THSD7B: variants seen among roughly 807,000 people sequenced by gnomAD.
The protein encoded by THSD7B is thrombospondin type-1 domain-containing protein 7B.
THSD7B carries 138 observed loss-of-function variants against 213.6 expected under a neutral mutation model. That is an observed-to-expected ratio of 0.65 (90% CI 0.56 to 0.74). The LOEUF is 0.74. Ranked by LOEUF, THSD7B falls within the 30% of genes least tolerant of loss-of-function variation. THSD7B has a pLI of 0.00. For synonymous variants in THSD7B, 742 were observed against 687.0 expected (o/e 1.08, Z -1.25); for missense variants, 1,931 against 1,991.5 (o/e 0.97, Z 0.58).
chr2:137,360,194 A>G (rs1034772833), intron 12 of THSD7B, among the ~76,000 whole-genome samples: 1 of 152,214 alleles, frequency 6.6e-6, no homozygotes, highest in Non-Finnish European at 1.5e-5. Context: ...AACTCAAGTT[A>G]TTAGCCAGAC....
chr2:137,304,605 G>T (rs1683700021), intron 12 of THSD7B, among the ~76,000 whole-genome samples: 1 of 152,006 alleles, frequency 6.6e-6, no homozygotes, highest in African/African-American at 2.4e-5. Context: ...CATATTATCA[G>T]TAGGCCCCCT....
chr2:137,099,706 G>A (rs1688113743), intron 4 of THSD7B, among the ~76,000 whole-genome samples: 1 of 152,168 alleles, frequency 6.6e-6, no homozygotes, highest in Non-Finnish European at 1.5e-5. Flanking sequence ...TCGAATGTAA[G>A]ACAGAACTAT....
chr2:137,308,106 C>G (rs918941016), intron 12 of THSD7B, among the ~76,000 whole-genome samples: 12 of 152,046 alleles, frequency 7.9e-5, no homozygotes, highest in African/African-American at 2.9e-4. Context: ...CGATTATTTC[C>G]TCCAGGTGTT....
intron 15 of THSD7B, among the ~76,000 whole-genome samples, chr2:137,474,229 T>C (rs1688150140): frequency 1.3e-5 from 2 of 152,222 alleles, no homozygotes; most frequent in African/African-American, 4.8e-5. Flanking sequence ...GTTTGGTTAC[T>C]ATAGTTTTTC....
chr2:137,186,550 G>A (rs1263794818), intron 7 of THSD7B, among the ~76,000 whole-genome samples: 1 of 151,982 alleles, frequency 6.6e-6, no homozygotes, highest in African/African-American at 2.4e-5. Flanking sequence ...TGAGTTCTCT[G>A]TTTTGTTCCA....
At chr2:137,528,632 G>A (rs1680323923) in intron 15 of THSD7B, among the ~76,000 whole-genome samples, 1 of 151,886 alleles carries the variant, frequency 6.6e-6, no homozygotes, top group Admixed American at 6.6e-5. Context: ...AAACCTCCTA[G>A]AAGTGGGCTA....
intron 1 of THSD7B, among the ~76,000 whole-genome samples, chr2:136,837,249 A>G (rs1211504408): frequency 1.3e-5 from 2 of 152,196 alleles, no homozygotes; most frequent in African/African-American, 2.4e-5. Context: ...TATGGCCTGT[A>G]AGATCTGCCA....
chr2:137,479,109 A>G (rs767113460), intron 15 of THSD7B, among the ~76,000 whole-genome samples: 6 of 152,176 alleles, frequency 3.9e-5, no homozygotes, highest in Non-Finnish European at 8.8e-5. Flanking sequence ...CTTCTGGGAC[A>G]TGGGCATGGT....
rs1368531115 is a variant in THSD7B, at chr2:137,115,236, C to T, written c.1312C>T (p.Arg438Trp). Residue 438 changes from arginine to tryptophan, a missense_variant, in exon 5 of 28, where the codon CGG (arginine) becomes TGG (tryptophan). Physicochemically the swap from Arg to Trp is moderately radical, Grantham distance 101 (BLOSUM62 -3). Coordinates refer to ENST00000409968, the MANE Select transcript of THSD7B (RefSeq NM_001316349.2). ...CGTGTGTGGCGGTGGGATCCAGACC[C>T]GGGAGGTGTACTGTGCCCAGAGCGT... The part of the protein sequence containing the change: ...GPVCGGGIQT[R>W]EVYCAQSVPA... 13 of 1,613,180 alleles carry T rather than the reference C, an allele frequency of 8.1e-6. No homozygotes were observed. Among genetic ancestry groups the T allele is most frequent in the African/African-American group, 2.7e-5 (2 of 75,004 alleles).
intron 15 of THSD7B, among the ~76,000 whole-genome samples, chr2:137,514,444 C>T (rs1680029552): frequency 6.6e-6 from 1 of 152,180 alleles, no homozygotes; most frequent in South Asian, 2.1e-4. Context: ...CTTTGGGACT[C>T]GGACTGGCTT....
At chr2:136,851,648 T>C (rs1683100615) in intron 1 of THSD7B, among the ~76,000 whole-genome samples, 1 of 152,174 alleles carries the variant, frequency 6.6e-6, no homozygotes, top group Admixed American at 6.6e-5. Context: ...CTACTGTTTT[T>C]TGAACCGGGG....
chr2:136,950,125 G>A (rs902435439), intron 2 of THSD7B, among the ~76,000 whole-genome samples: 19 of 152,178 alleles, frequency 1.2e-4, no homozygotes, highest in African/African-American at 4.6e-4. Context: ...GGTGGCACGT[G>A]GCTGTAGTCC....
At chr2:137,578,964 G>C (rs1354964131) in intron 17 of THSD7B, among the ~76,000 whole-genome samples, 1 of 152,074 alleles carries the variant, frequency 6.6e-6, no homozygotes, top group Non-Finnish European at 1.5e-5. Context: ...CCTGGAAGTG[G>C]ACAGAAAAAT....
At position 137,160,290 on chromosome 2, in the gene THSD7B, A is replaced by C. The variant is rs1285937238; in HGVS notation, c.1447A>C (p.Thr483Pro). The C allele has an allele frequency of 1.2e-6, 2 of 1,613,616 alleles. No homozygotes were observed. Among genetic ancestry groups the C allele is most frequent in the African/African-American group, 2.7e-5 (2 of 74,890 alleles). ...TCAGCTCTGCAATATCCCTTGCTCT[A>C]CGGACTGCATAGTATCTTCCTGGTC... is the stretch of plus-strand genomic sequence containing the variant. The part of the protein sequence containing the change: ...PSQLCNIPCS[T>P]DCIVSSWSAW... The change falls in exon 6 of 28, where the codon ACG (threonine) becomes CCG (proline). Residue 483 changes from threonine to proline, a missense_variant. Physicochemically the swap from Thr to Pro is conservative, Grantham distance 38. Coordinates refer to ENST00000409968, the MANE Select transcript of THSD7B (RefSeq NM_001316349.2).
chr2:137,287,231 A>G (rs1004672283), intron 12 of THSD7B, among the ~76,000 whole-genome samples: 2 of 152,116 alleles, frequency 1.3e-5, no homozygotes, highest in African/African-American at 4.8e-5. Flanking sequence ...ACTTAAAAAA[A>G]TCTCTCCTAA....
At chr2:137,290,898 A>C (rs951405959) in intron 12 of THSD7B, among the ~76,000 whole-genome samples, 5 of 152,114 alleles carry the variant, frequency 3.3e-5, no homozygotes, top group African/African-American at 1.2e-4. Flanking sequence ...TATCCACCTG[A>C]GAATTGTAGT....
At chr2:137,238,380 C>T (rs563438663) in intron 9 of THSD7B, among the ~76,000 whole-genome samples, 1 of 152,042 alleles carries the variant, frequency 6.6e-6, no homozygotes, top group African/African-American at 2.4e-5. Context: ...GAATAAATGG[C>T]AATTGAATTC....
chr2:136,902,910 A>T (rs182280056), intron 2 of THSD7B, among the ~76,000 whole-genome samples: 1 of 152,188 alleles, frequency 6.6e-6, no homozygotes, highest in African/African-American at 2.4e-5. Flanking sequence ...TTTAAAATCA[A>T]TGCCAAGAAT....
rs184384575 is a variant in THSD7B, at chr2:136,936,264, A to G, written c.139+53947A>G. ...AACCACTATGGAAAACGGTGTGGAG[A>G]TTCCTTAAAGAACTAAAAGTAGAAC... On this transcript the variant is annotated intron_variant, in intron 2 of 27. Transcript: ENST00000409968. Among the ~76,000 whole-genome samples the G allele has an allele frequency of 4.2e-3, 637 of 152,186 alleles. 6 individuals carry two copies. Among genetic ancestry groups the G allele is most frequent in the South Asian group, 0.012 (60 of 4,826 alleles).
Sources: allele counts gnomAD v4.1 joint callset (sites outside exome capture counted in the v4.1 genomes callset), GRCh38; gene constraint gnomAD v4.1.1; transcripts MANE v1.5; gene names NCBI Gene and HGNC (gene_info 2026-07-23, HGNC 2026-07-21).